INPP4B: variants seen among roughly 807,000 people sequenced by gnomAD.
INPP4B encodes inositol polyphosphate-4-phosphatase type II B.
A neutral mutation model predicts 122.5 loss-of-function variants in INPP4B; 55 were observed. The observed-to-expected ratio is 0.45, with a 90% confidence interval of 0.36 to 0.56. The LOEUF (loss-of-function observed/expected upper bound fraction) is 0.56, where lower values mean the gene tolerates loss of function less well. INPP4B is among the 20% of genes least tolerant of loss of function. The pLI, the probability that INPP4B is intolerant of heterozygous loss-of-function variation, is 0.00. For synonymous variants in INPP4B, 403 were observed against 388.7 expected (o/e 1.04, Z -0.43); for missense variants, 1,000 against 1,097.7 (o/e 0.91, Z 1.26).
chr4:142,029,389 C>T (rs571691321), intron 25 of INPP4B: 296 of 983,890 alleles, frequency 3.0e-4, no homozygotes, highest in Non-Finnish European at 3.5e-4. Context: ...TTTAGCTGTG[C>T]AAGGAAGAGA....
intron 5 of INPP4B, among the ~76,000 whole-genome samples, chr4:142,413,663 T>C (rs889285095): frequency 6.6e-6 from 1 of 152,218 alleles, no homozygotes; most frequent in Non-Finnish European, 1.5e-5. Context: ...TTAGCTCACA[T>C]CTAGAACAAC....
intron 1 of INPP4B, among the ~76,000 whole-genome samples, chr4:142,781,783 A>G (rs149008051): frequency 4.3e-4 from 65 of 152,224 alleles, no homozygotes; most frequent in African/African-American, 1.4e-3. Context: ...CATATAGAAT[A>G]TAATACTAAA....
chr4:142,375,922 T>C (rs377153018), intron 7 of INPP4B, among the ~76,000 whole-genome samples: 7 of 152,092 alleles, frequency 4.6e-5, no homozygotes, highest in African/African-American at 1.7e-4. Flanking sequence ...TTTAAGCTAC[T>C]ATTAGACAGA....
intron 1 of INPP4B, among the ~76,000 whole-genome samples, chr4:142,806,843 GAA>G (rs1218386208): frequency 5.3e-5 from 8 of 149,644 alleles, no homozygotes; most frequent in African/African-American, 1.5e-4. Context: ...AAGAAAGAAA[GAA>G]AGAAAGGAGA....
intron 2 of INPP4B, among the ~76,000 whole-genome samples, chr4:142,606,378 G>A (rs996181515): frequency 3.3e-5 from 5 of 151,672 alleles, no homozygotes; most frequent in Non-Finnish European, 5.9e-5. Flanking sequence ...ATATTTCAAA[G>A]CAACTAGAAG....
intron 2 of INPP4B, among the ~76,000 whole-genome samples, chr4:142,546,445 A>G (rs1229234476): frequency 6.6e-6 from 1 of 152,178 alleles, no homozygotes; most frequent in African/African-American, 2.4e-5. Context: ...AGAGTAAGAT[A>G]CCACTAAGGA....
At chr4:142,775,390 TTGTC>T (rs1478968511) in intron 1 of INPP4B, among the ~76,000 whole-genome samples, 10 of 152,180 alleles carry the variant, frequency 6.6e-5, no homozygotes, top group Admixed American at 5.2e-4. Context: ...ATACTTGTCT[TTGTC>T]TGCCATTTAT....
chr4:142,481,921 G>A (rs1560707894), intron 2 of INPP4B, among the ~76,000 whole-genome samples: 1 of 152,150 alleles, frequency 6.6e-6, no homozygotes, highest in Non-Finnish European at 1.5e-5. Flanking sequence ...GTGGCTGGTG[G>A]CTAATTTATT....
At chr4:142,441,021 C>T (rs938167735) in intron 3 of INPP4B, among the ~76,000 whole-genome samples, 1 of 151,704 alleles carries the variant, frequency 6.6e-6, no homozygotes, top group Non-Finnish European at 1.5e-5. Flanking sequence ...GAAAAACTAG[C>T]AAGACAAGCG....
At chr4:142,591,674 A>C (rs1472945089) in intron 2 of INPP4B, among the ~76,000 whole-genome samples, 1 of 152,110 alleles carries the variant, frequency 6.6e-6, no homozygotes, top group Non-Finnish European at 1.5e-5. Context: ...ACACTGTCTT[A>C]TCCAAGTGAT....
intron 2 of INPP4B, among the ~76,000 whole-genome samples, chr4:142,516,886 C>T (rs1825483328): frequency 6.6e-6 from 1 of 152,046 alleles, no homozygotes; most frequent in African/African-American, 2.4e-5. Flanking sequence ...TCCTCTGCCC[C>T]TAATCACCCA....
At chr4:142,427,541 T>C in intron 5 of INPP4B, 1 of 604,966 alleles carries the variant, frequency 1.7e-6, no homozygotes, top group Non-Finnish European at 3.0e-6. Context: ...ACAAACAGCA[T>C]AGTTAGGTCT....
intron 12 of INPP4B, among the ~76,000 whole-genome samples, chr4:142,236,140 TA>T (rs1315273012): frequency 6.6e-6 from 1 of 152,200 alleles, no homozygotes; most frequent in East Asian, 1.9e-4. Flanking sequence ...TTCCTTATTC[TA>T]CATAACTCCT....
chr4:142,152,031 T>C (rs1814184045), intron 17 of INPP4B, among the ~76,000 whole-genome samples: 1 of 151,634 alleles, frequency 6.6e-6, no homozygotes, highest in Non-Finnish European at 1.5e-5. Flanking sequence ...GAATGTTTCA[T>C]GCTTCTCTCT....
chr4:142,405,279 G>GTATTT lies in INPP4B; in HGVS notation c.181_182insAAATA (p.Thr61LysfsTer9), dbSNP rs764159767. On this transcript the variant is annotated frameshift_variant, in exon 6 of 26. Transcript: ENST00000262992. LOFTEE classifies it high-confidence loss of function. Reference sequence around the variant, plus strand: ...GTGGATTACGGAGATCTGCACCAGTGTATTCAGTTTACGATCACGGACAGG... The same window carrying GTATTT: ...GTGGATTACGGAGATCTGCACCAGTGTATTTTATTCAGTTTACGATCACGGACAGG... 6.2e-7 allele frequency: 1 copy of GTATTT among 1,613,704 alleles called. No homozygotes were observed. Among genetic ancestry groups the GTATTT allele is most frequent in the Non-Finnish European group, 8.5e-7 (1 of 1,179,744 alleles).
intron 2 of INPP4B, among the ~76,000 whole-genome samples, chr4:142,600,374 T>C (rs1739647718): frequency 1.3e-5 from 2 of 152,070 alleles, no homozygotes; most frequent in Non-Finnish European, 2.9e-5. Context: ...TCAAGCAAAA[T>C]TATCCTTCAC....
At chr4:142,692,913 C>T (rs201081353) in intron 2 of INPP4B, among the ~76,000 whole-genome samples, 3 of 52,494 alleles carry the variant, frequency 5.7e-5, no homozygotes, top group Non-Finnish European at 8.2e-5. Context: ...AGGCTAGTCT[C>T]TATAGATAGA....
At chr4:142,629,875 T>G (rs1747535141) in intron 2 of INPP4B, among the ~76,000 whole-genome samples, 1 of 152,076 alleles carries the variant, frequency 6.6e-6, no homozygotes, top group Admixed American at 6.6e-5. Flanking sequence ...GAATAGCCCC[T>G]TCTAGAGAAA....
At chr4:142,624,265 TGGTG>T (rs1416666437) in intron 2 of INPP4B, among the ~76,000 whole-genome samples, 5 of 151,888 alleles carry the variant, frequency 3.3e-5, no homozygotes, top group South Asian at 4.2e-4. Context: ...CCATTCTAAC[TGGTG>T]TGAGATGGTA....
Sources: gnomAD v4.1 joint callset for allele counts (sites outside exome capture counted in the v4.1 genomes callset) on GRCh38, gnomAD v4.1.1 for gene constraint, MANE v1.5 for transcripts, NCBI Gene and HGNC (gene_info 2026-07-23, HGNC 2026-07-21) for gene names.